Variants in CDH12 observed in about 807,000 individuals in gnomAD.
CDH12 encodes cadherin 12.
In CDH12, 41 loss-of-function variants were observed where a neutral mutation model predicts 74.1. The ratio of observed to expected loss-of-function variants is 0.55; its 90% confidence interval spans 0.43 to 0.72. The LOEUF is 0.72. CDH12 is among the 30% of genes least tolerant of loss of function. CDH12 has a pLI of 0.00. For synonymous variants in CDH12, 399 were observed against 355.0 expected (o/e 1.12, Z -1.39); for missense variants, 945 against 977.2 (o/e 0.97, Z 0.44).
chr5:21,753,774 G>C (rs1158191745), intron 14 of CDH12, among the ~76,000 whole-genome samples: 1 of 152,312 alleles, frequency 6.6e-6, no homozygotes, highest in Non-Finnish European at 1.5e-5. Flanking sequence ...TTGGATAAAT[G>C]AGTGGCAGAT....
chr5:22,092,987 G>T (rs1743524859), intron 4 of CDH12, among the ~76,000 whole-genome samples: 1 of 152,162 alleles, frequency 6.6e-6, no homozygotes, highest in South Asian at 2.1e-4. Flanking sequence ...TTAGTGGGTG[G>T]TGTTTGCACA....
intron 4 of CDH12, among the ~76,000 whole-genome samples, chr5:22,167,185 T>C (rs2150324579): frequency 6.6e-6 from 1 of 152,288 alleles, no homozygotes; most frequent in African/African-American, 2.4e-5. Context: ...AGAAAACACA[T>C]ATAAGAATGG....
rs1048617058 is a variant in CDH12 at position 21,828,217 on chromosome 5, G to C, written c.815-11085C>G. Among the ~76,000 whole-genome samples, 3 of 151,900 alleles carry C rather than the reference G, an allele frequency of 2.0e-5. No homozygotes were observed. The South Asian group carries it at 6.2e-4, about 32-fold the overall frequency. On this transcript the variant is annotated intron_variant, in intron 8 of 14. Transcript: ENST00000382254. ...ATCTCACTGCACCGTCCACCTTCCG[G>C]GTTCAAGCAATTCTCCTGTCTCAGC...
intron 2 of CDH12, among the ~76,000 whole-genome samples, chr5:22,416,321 C>T (rs1000108859): frequency 2.6e-5 from 4 of 151,630 alleles, no homozygotes; most frequent in African/African-American, 4.8e-5. Context: ...GTGATCCGCC[C>T]GCCTCGGCCT....
chr5:22,549,478 T>C (rs1248683423), intron 1 of CDH12, among the ~76,000 whole-genome samples: 1 of 152,212 alleles, frequency 6.6e-6, no homozygotes, highest in Non-Finnish European at 1.5e-5. Flanking sequence ...CAAGATACTT[T>C]ATATTTTTGT....
chr5:22,353,015 A>G (rs910822142), intron 3 of CDH12, among the ~76,000 whole-genome samples: 2 of 152,156 alleles, frequency 1.3e-5, no homozygotes, highest in African/African-American at 4.8e-5. Context: ...ACAGATCCTC[A>G]CTTATGCTAG....
chr5:22,811,332 T>C (rs1749139720), intron 1 of CDH12, among the ~76,000 whole-genome samples: 2 of 152,102 alleles, frequency 1.3e-5, no homozygotes. Flanking sequence ...ACTTAGACAA[T>C]ATCATAGGCC....
At chr5:22,185,912 A>G (rs1214851953) in intron 4 of CDH12, among the ~76,000 whole-genome samples, 1 of 152,224 alleles carries the variant, frequency 6.6e-6, no homozygotes, top group Non-Finnish European at 1.5e-5. Flanking sequence ...ACAGTAAAAA[A>G]CAATATTGAA....
intron 10 of CDH12, among the ~76,000 whole-genome samples, chr5:21,791,073 C>T (rs1205333980): frequency 1.3e-5 from 2 of 151,984 alleles, no homozygotes; most frequent in African/African-American, 4.8e-5. Context: ...ATAGCTGACA[C>T]CCATTTGAAC....
intron 6 of CDH12, among the ~76,000 whole-genome samples, chr5:21,934,586 A>C (rs1754988276): frequency 6.6e-6 from 1 of 152,184 alleles, no homozygotes; most frequent in Non-Finnish European, 1.5e-5. Flanking sequence ...ACTTCCATAC[A>C]TATATATGCA....
At chr5:22,102,265 A>G (rs1744178613) in intron 4 of CDH12, among the ~76,000 whole-genome samples, 1 of 148,466 alleles carries the variant, frequency 6.7e-6, no homozygotes. Flanking sequence ...ATCCTTTACC[A>G]GCATTTATTT....
chr5:22,399,549 G>C (rs1379463973), intron 3 of CDH12, among the ~76,000 whole-genome samples: 1 of 151,932 alleles, frequency 6.6e-6, no homozygotes, highest in Non-Finnish European at 1.5e-5. Context: ...GCACATAATG[G>C]ACAAAAATAA....
At chr5:21,845,872 G>A (rs529592680) in intron 7 of CDH12, among the ~76,000 whole-genome samples, 5 of 152,124 alleles carry the variant, frequency 3.3e-5, no homozygotes, top group African/African-American at 9.6e-5. Flanking sequence ...AAAAAGCAGC[G>A]CCAAATTATT....
At chr5:22,282,634 GA>G (rs1367659985) in intron 3 of CDH12, among the ~76,000 whole-genome samples, 1 of 152,038 alleles carries the variant, frequency 6.6e-6, no homozygotes, top group Non-Finnish European at 1.5e-5. Context: ...ACAAACATAT[GA>G]AAAAAAGCTC....
chr5:22,579,020 G>A (rs1405865533), intron 1 of CDH12, among the ~76,000 whole-genome samples: 2 of 152,074 alleles, frequency 1.3e-5, no homozygotes, highest in Admixed American at 6.6e-5. Flanking sequence ...GCCAATTAGA[G>A]ATATAACAAA....
intron 8 of CDH12, among the ~76,000 whole-genome samples, chr5:21,825,115 T>G (rs1276639002): frequency 6.8e-6 from 1 of 147,416 alleles, no homozygotes; most frequent in African/African-American, 2.5e-5. Context: ...ATCATGCCAC[T>G]GCACACCAGC....
intron 10 of CDH12, among the ~76,000 whole-genome samples, chr5:21,792,598 C>CT (rs371352944): frequency 0.088 from 10,678 of 121,598 alleles, 600 homozygotes; most frequent in East Asian, 0.26. Flanking sequence ...TTCCTCTGCC[C>CT]TTTTTTTTTT....
chr5:22,060,709 G>T (rs909387919), intron 5 of CDH12, among the ~76,000 whole-genome samples: 1 of 152,076 alleles, frequency 6.6e-6, no homozygotes, highest in Non-Finnish European at 1.5e-5. Context: ...AGCCCTGCAG[G>T]TTCTTTTTTT....
chr5:22,151,258 T>C (rs1439013019), intron 4 of CDH12, among the ~76,000 whole-genome samples: 2 of 152,178 alleles, frequency 1.3e-5, no homozygotes, highest in African/African-American at 4.8e-5. Flanking sequence ...GTGAACACTT[T>C]ATTGCCTTTA....
Sources: allele counts gnomAD v4.1 joint callset (sites outside exome capture counted in the v4.1 genomes callset), GRCh38; gene constraint gnomAD v4.1.1; transcripts MANE v1.5; gene names NCBI Gene and HGNC (gene_info 2026-07-23, HGNC 2026-07-21).